CATSPERE: variants seen among roughly 807,000 people sequenced by gnomAD.
CATSPERE encodes the protein cation channel sperm-associated auxiliary subunit epsilon.
Under a neutral mutation model 114.1 loss-of-function variants are expected in CATSPERE, and 93 were observed. The observed-to-expected ratio is 0.81, with a 90% CI of 0.69 to 0.97. The LOEUF is 0.97. CATSPERE is among the 50% of genes least tolerant of loss of function. CATSPERE has a pLI of 0.00. For synonymous variants in CATSPERE, 341 were observed against 384.1 expected, an observed-to-expected ratio of 0.89 and a Z score of 1.31; for missense variants, 1,058 against 1,131.6, an observed-to-expected ratio of 0.93 and a Z score of 0.93.
At chr1:244,524,019 C>T (rs368643978) in intron 8 of CATSPERE, among the ~76,000 whole-genome samples, 126 of 150,812 alleles carry the variant, frequency 8.4e-4, no homozygotes, top group Non-Finnish European at 9.9e-4. Context: ...AAAAAGAGCC[C>T]GCATCTCCAA....
intron 20 of CATSPERE, among the ~76,000 whole-genome samples, chr1:244,620,373 C>T (rs1189843958): frequency 1.3e-5 from 2 of 152,150 alleles, no homozygotes; most frequent in Non-Finnish European, 2.9e-5. Flanking sequence ...GAACTAAGAC[C>T]AGCTATGAAA....
intron 17 of CATSPERE, among the ~76,000 whole-genome samples, chr1:244,603,642 G>T (rs1223001889): frequency 6.6e-6 from 1 of 150,800 alleles, no homozygotes; most frequent in African/African-American, 2.4e-5. Flanking sequence ...TGCAAAAGAT[G>T]CCAGCTCAGT....
chr1:244,593,726 C>G, intron 17 of CATSPERE, 148 bp downstream of exon 17: 1 of 686,252 alleles, frequency 1.5e-6, no homozygotes, highest in Non-Finnish European at 2.5e-6. Flanking sequence ...ACTAGTTATA[C>G]AAAGCTGGGC....
At chr1:244,483,382 T>G (rs867697499) in intron 5 of CATSPERE, among the ~76,000 whole-genome samples, 2 of 152,248 alleles carry the variant, frequency 1.3e-5, no homozygotes, top group Admixed American at 6.5e-5. Context: ...TGTGCATTTG[T>G]TCAACTTTAC....
rs1660837226 is a variant in CATSPERE at position 244,552,628 on chromosome 1, T to C, written c.843T>C (p.Asp281=). ...RIRVPPDILS[D]DERRSVAHVI... is the part of the protein sequence containing the mutation. ...GAGTGCCTCCAGACATTCTGAGTGA[T>C]GATGAAAGACGGAGTGTGGCTCATG... The change falls in exon 9 of 22, where the codon GAT becomes GAC. Residue 281 remains aspartate, a synonymous_variant. Transcript: ENST00000366534. The C allele has an allele frequency of 6.2e-7, 1 of 1,614,150 alleles. No homozygotes were observed. Among genetic ancestry groups the C allele is most frequent in the Non-Finnish European group, 8.5e-7 (1 of 1,180,024 alleles).
At chr1:244,461,552 G>T in intron 1 of CATSPERE, 58 bp downstream of exon 1, 1 of 1,244,756 alleles carries the variant, frequency 8.0e-7, no homozygotes, top group South Asian at 3.3e-5. Context: ...CGGCGGGGCA[G>T]GCGGGAGGGT....
intron 17 of CATSPERE, among the ~76,000 whole-genome samples, chr1:244,594,515 T>C (rs1225748916): frequency 6.6e-6 from 1 of 152,204 alleles, no homozygotes. Context: ...ACGACTCACA[T>C]TTCTAAATTT....
chr1:244,578,527 T>A (rs1268376065), intron 11 of CATSPERE, among the ~76,000 whole-genome samples: 2 of 152,072 alleles, frequency 1.3e-5, no homozygotes, highest in African/African-American at 4.8e-5. Flanking sequence ...CTAAACAGCC[T>A]ATTAACACAT....
At chr1:244,462,070 G>T (rs1666908345) in intron 1 of CATSPERE, among the ~76,000 whole-genome samples, 1 of 152,122 alleles carries the variant, frequency 6.6e-6, no homozygotes, top group South Asian at 2.1e-4. Flanking sequence ...TCCTGCCGGG[G>T]CCTCCCAAAG....
At chr1:244,635,839 A>T (rs571157136) in intron 21 of CATSPERE, among the ~76,000 whole-genome samples, 125 of 152,294 alleles carry the variant, frequency 8.2e-4, no homozygotes, top group African/African-American at 3.0e-3. Context: ...AAATGACAGA[A>T]ACTTGCTGTT....
Position 244,610,130 on chromosome 1 carries a change from G to GT in CATSPERE, c.2404-109dup, listed in dbSNP as rs1179048498. On this transcript the variant is annotated intron_variant, in intron 18 of 21. Coordinates refer to ENST00000366534, the MANE Select transcript of CATSPERE (RefSeq NM_001130957.2). ...GTATACCAGCCAACATTTAAATAAT[G>GT]TAAGTTTTAAAAATACAAAATTTTC... The GT allele has an allele frequency of 1.8e-5, 12 of 671,718 alleles. No individual in the cohort carries two copies. In the Admixed American group the frequency reaches 3.6e-4, roughly 20 times the overall value. 41.6% of individuals were successfully genotyped at this position (671,718 alleles called of 1,614,324 possible).
chr1:244,554,060 T>C (rs1661213201), intron 9 of CATSPERE, among the ~76,000 whole-genome samples: 1 of 152,208 alleles, frequency 6.6e-6, no homozygotes, highest in Non-Finnish European at 1.5e-5. Context: ...ATTTTCTTTA[T>C]CCACTCATCC....
At chr1:244,462,599 C>A (rs1666987010) in intron 1 of CATSPERE, among the ~76,000 whole-genome samples, 1 of 152,070 alleles carries the variant, frequency 6.6e-6, no homozygotes, top group African/African-American at 2.4e-5. Flanking sequence ...TGAAAGGGAT[C>A]TTAGATTCAT....
At position 244,573,139 on chromosome 1, in the gene CATSPERE, T is replaced by C. The variant is rs1292688149; in HGVS notation, c.1950+367T>C. On this transcript the variant is annotated intron_variant, in intron 11 of 21. Transcript: ENST00000366534. The surrounding 1 kb of genome is among the most constrained non-coding windows in gnomAD (Gnocchi z 4.0). ...ACAACAACCAATTCTGGGCCGGGCA[T>C]GGTGGCTCACACCTGTAATCCCAGC... 1.3e-5 allele frequency among the ~76,000 whole-genome samples: 2 copies of C among 152,008 alleles called. No homozygotes were observed. The highest frequency in any genetic ancestry group is 2.9e-5 in the Non-Finnish European group (2 of 68,006).
At chr1:244,481,242 G>A (rs1221413391) in intron 5 of CATSPERE, among the ~76,000 whole-genome samples, 1 of 152,166 alleles carries the variant, frequency 6.6e-6, no homozygotes, top group African/African-American at 2.4e-5. Flanking sequence ...GAAGTCAGGA[G>A]TTCAAGACCA....
At chr1:244,593,466 T>C (rs776012430) in intron 16 of CATSPERE, 33 bp from the exon 17 acceptor site, 22 of 1,613,408 alleles carry the variant, frequency 1.4e-5, no homozygotes, top group Middle Eastern at 1.7e-4. Context: ...GGACCAAATA[T>C]ATAAAATCAC....
At chr1:244,488,824 A>G (rs937252279) in intron 5 of CATSPERE, among the ~76,000 whole-genome samples, 1 of 152,162 alleles carries the variant, frequency 6.6e-6, no homozygotes, top group African/African-American at 2.4e-5. Context: ...TTTACCTATT[A>G]AGATATATAG....
intron 10 of CATSPERE, among the ~76,000 whole-genome samples, chr1:244,562,585 T>C (rs1662743559): frequency 6.6e-6 from 1 of 152,226 alleles, no homozygotes; most frequent in Admixed American, 6.5e-5. Context: ...ATAGAATCTG[T>C]TTAACAGTTA....
intron 17 of CATSPERE, among the ~76,000 whole-genome samples, chr1:244,597,548 T>TTC (rs1302088318): frequency 6.6e-6 from 1 of 151,656 alleles, no homozygotes; most frequent in African/African-American, 2.4e-5. Flanking sequence ...TTTTTTTTTT[T>TTC]TTCATGATCT....
Sources: allele counts gnomAD v4.1 joint callset (sites outside exome capture counted in the v4.1 genomes callset), GRCh38; gene constraint gnomAD v4.1.1; non-coding constraint Gnocchi (gnomAD v3.1); transcripts MANE v1.5; gene names NCBI Gene and HGNC (gene_info 2026-07-23, HGNC 2026-07-21).